The following CNBD1 variants were observed in gnomAD, a reference collection of about 807,000 sequenced individuals.
CNBD1 encodes cyclic nucleotide-binding domain-containing protein 1.
In CNBD1, 71 loss-of-function variants were observed where a neutral mutation model predicts 54.4. The observed-to-expected ratio is 1.30, with a 90% CI of 1.08 to 1.59. The LOEUF (loss-of-function observed/expected upper bound fraction) is 1.59. Ranked by LOEUF, CNBD1 falls within the 40% of genes most tolerant of loss-of-function variation. The pLI is 0.00. For synonymous variants in CNBD1, 182 were observed against 170.7 expected (o/e 1.07, Z -0.51); for missense variants, 659 against 518.0 (o/e 1.27, Z -2.64).
At chr8:87,116,000 C>A (rs1443300466) in intron 4 of CNBD1, among the ~76,000 whole-genome samples, 2 of 152,088 alleles carry the variant, frequency 1.3e-5, no homozygotes, top group African/African-American at 4.8e-5. Flanking sequence ...CTGAGTGAAT[C>A]CACTATCTCT....
intron 4 of CNBD1, among the ~76,000 whole-genome samples, chr8:87,065,932 A>C (rs2130645641): frequency 6.6e-6 from 1 of 152,094 alleles, no homozygotes; most frequent in East Asian, 1.9e-4. Context: ...AGTTTCAAAG[A>C]ACAATGCACA....
rs144739511 is a variant in CNBD1 at position 87,248,869 on chromosome 8, G to A, written c.771+11757G>A. Among the ~76,000 whole-genome samples, 7 of 152,262 alleles carry A rather than the reference G, an allele frequency of 4.6e-5. No individual in the cohort carries two copies. In the East Asian group the frequency reaches 1.4e-3, roughly 29 times the overall value. On this transcript the variant is annotated intron_variant, in intron 6 of 10. Coordinates refer to ENST00000518476, the MANE Select transcript of CNBD1 (RefSeq NM_173538.3). ...TGAGACAAGTACACAGTGCAGGAAA[G>A]AGGCGTGAACAGAAGTGGTAAATAA... is the stretch of plus-strand genomic sequence containing the variant.
At chr8:87,270,631 A>G (rs916455046) in intron 6 of CNBD1, among the ~76,000 whole-genome samples, 1 of 151,950 alleles carries the variant, frequency 6.6e-6, no homozygotes, top group African/African-American at 2.4e-5. Context: ...CCAAATAAAT[A>G]TAAATCATCC....
chr8:87,399,219 T>C (rs1811458131), intron 2 of CNBD1, among the ~76,000 whole-genome samples: 1 of 152,030 alleles, frequency 6.6e-6, no homozygotes, highest in Admixed American at 6.6e-5. Context: ...TGTTTAAATA[T>C]GAGACATGGT....
chr8:86,929,349 A>G (rs1377791349), intron 3 of CNBD1, among the ~76,000 whole-genome samples: 3 of 152,228 alleles, frequency 2.0e-5, no homozygotes, highest in Middle Eastern at 3.4e-3. Flanking sequence ...TTCCCTTCTC[A>G]GTTCTAAGGT....
intron 4 of CNBD1, among the ~76,000 whole-genome samples, chr8:86,973,434 C>A (rs1808269764): frequency 6.6e-6 from 1 of 152,164 alleles, no homozygotes; most frequent in African/African-American, 2.4e-5. Context: ...ACTGGAATCT[C>A]TGTAAAGGAT....
chr8:86,867,202 C>T (rs1190789251), intron 1 of CNBD1, among the ~76,000 whole-genome samples: 1 of 151,584 alleles, frequency 6.6e-6, no homozygotes, highest in Non-Finnish European at 1.5e-5. Context: ...ATTGTAAACA[C>T]TTCTCATGGC....
intron 2 of CNBD1, among the ~76,000 whole-genome samples, chr8:87,401,352 A>C (rs1807560972): frequency 6.6e-6 from 1 of 151,984 alleles, no homozygotes; most frequent in African/African-American, 2.4e-5. Flanking sequence ...AGAAGGGGAA[A>C]GTGTCAATGC....
intron 10 of CNBD1, among the ~76,000 whole-genome samples, chr8:87,367,531 C>A (rs957849213): frequency 1.3e-5 from 2 of 151,874 alleles, no homozygotes; most frequent in African/African-American, 4.8e-5. Flanking sequence ...TTCTCCACAT[C>A]TATTAAAAAA....
chr8:87,042,011 G>A (rs1048145104), intron 4 of CNBD1, among the ~76,000 whole-genome samples: 1 of 152,176 alleles, frequency 6.6e-6, no homozygotes, highest in African/African-American at 2.4e-5. Flanking sequence ...TAGAGATGGT[G>A]AGAAGTAGTC....
intron 5 of CNBD1, among the ~76,000 whole-genome samples, chr8:87,216,005 T>A (rs2130805024): frequency 6.6e-6 from 1 of 152,322 alleles, no homozygotes; most frequent in South Asian, 2.1e-4. Flanking sequence ...TTGTGTTGAG[T>A]TCTTTCGCTT....
In CNBD1 at chr8:87,137,105, T is replaced by TTA. The variant is rs1491188051; in HGVS notation, c.432-68880_432-68879dup. ...TATATATATTTATATTATATGTAAA[T>TTA]TATATATATTATATTTTTATTATAT... On this transcript the variant is annotated intron_variant, in intron 4 of 10. Transcript: ENST00000518476. 9.8e-3 allele frequency among the ~76,000 whole-genome samples: 881 copies of TTA among 89,734 alleles called. 30 individuals carry two copies. Among genetic ancestry groups the TTA allele is most frequent in the Middle Eastern group, 0.017 (3 of 178 alleles). The allele number at this position is 89,734 out of a possible 152,430, so 58.9% of individuals were successfully genotyped here.
rs1211937598 is a variant in CNBD1, at chr8:87,177,506, C to G, written c.432-28487C>G. On this transcript the variant is annotated intron_variant, in intron 4 of 10. Coordinates refer to ENST00000518476, the MANE Select transcript of CNBD1 (RefSeq NM_173538.3). ...TAGCACAATTGCATAGTTCTAAATT[C>G]TACACATTACTGAACAAATCGAGCA... is the stretch of plus-strand genomic sequence containing the variant. Among the ~76,000 whole-genome samples the G allele has an allele frequency of 1.3e-5, 2 of 152,122 alleles. 1 individual carries two copies. Among genetic ancestry groups the G allele is most frequent in the Non-Finnish European group, 2.9e-5 (2 of 68,004 alleles).
chr8:86,877,851 GTTA>G (rs1420518222), intron 1 of CNBD1, among the ~76,000 whole-genome samples: 1 of 151,890 alleles, frequency 6.6e-6, no homozygotes, highest in Non-Finnish European at 1.5e-5. Flanking sequence ...ATTTTCATTT[GTTA>G]TTTTCTCCTT....
chr8:87,420,182 AC>A (rs1807907924), intron 2 of CNBD1, among the ~76,000 whole-genome samples: 2 of 151,882 alleles, frequency 1.3e-5, no homozygotes, highest in African/African-American at 4.8e-5. Flanking sequence ...TGCTCAATGA[AC>A]CCAGATACAA....
At chr8:86,887,405 C>G in intron 1 of CNBD1, 137 bp from the exon 2 acceptor site, 1 of 581,648 alleles carries the variant, frequency 1.7e-6, no homozygotes, top group Non-Finnish European at 3.1e-6. Flanking sequence ...GTGTATTAAA[C>G]AAAGACTGTT....
rs955000164 is a variant in CNBD1 at position 87,323,159 on chromosome 8, T to A, written c.1043-28526T>A. Among the ~76,000 whole-genome samples the A allele has an allele frequency of 1.2e-3, 155 of 125,188 alleles. 3 individuals carry two copies. Among genetic ancestry groups the A allele is most frequent in the Non-Finnish European group, 1.9e-3 (107 of 56,890 alleles). The allele number at this position is 125,188 out of a possible 152,430, so 82.1% of individuals were successfully genotyped here. A position where few individuals can be genotyped will look rare whatever the true frequency, so the allele number is the denominator to read the frequency against. ...TGAGGGCTCTGTTCTATTCCATTGA[T>A]CTATATCTCTGTTTTGGTACCAGTA... On this transcript the variant is annotated intron_variant, in intron 8 of 10. Transcript: ENST00000518476.
At chr8:87,035,587 G>A (rs2130601031) in intron 4 of CNBD1, among the ~76,000 whole-genome samples, 1 of 152,274 alleles carries the variant, frequency 6.6e-6, no homozygotes, top group East Asian at 1.9e-4. Context: ...CAATTTCTCA[G>A]ATGCCAACTC....
chr8:87,358,157 T>C (rs1417209974), intron 10 of CNBD1, among the ~76,000 whole-genome samples: 1 of 152,174 alleles, frequency 6.6e-6, no homozygotes, highest in African/African-American at 2.4e-5. Context: ...ACCTCTTTCC[T>C]TTATAGATTA....
Sources: gnomAD v4.1 joint callset for allele counts (sites outside exome capture counted in the v4.1 genomes callset) on GRCh38, gnomAD v4.1.1 for gene constraint, MANE v1.5 for transcripts, NCBI Gene and HGNC (gene_info 2026-07-23, HGNC 2026-07-21) for gene names.